Variants in XYLT1 observed in about 807,000 individuals in gnomAD.
XYLT1 encodes xylosyltransferase 1.
A neutral mutation model predicts 91.3 loss-of-function variants in XYLT1; 36 were observed. The observed-to-expected ratio is 0.39, with a 90% confidence interval of 0.30 to 0.52. XYLT1 has a LOEUF of 0.52. XYLT1 is among the 20% of genes least tolerant of loss of function. The probability of loss-of-function intolerance (pLI) is 0.68; values close to 1 mark genes in which losing one functional copy is unlikely to be tolerated. For synonymous variants in XYLT1, 588 were observed against 532.0 expected (o/e 1.11, Z -1.45); for missense variants, 1,242 against 1,284.5 (o/e 0.97, Z 0.51).
intron 3 of XYLT1, among the ~76,000 whole-genome samples, chr16:17,216,144 C>G (rs932988739): frequency 2.6e-5 from 4 of 152,212 alleles, no homozygotes; most frequent in African/African-American, 9.7e-5. Flanking sequence ...CTCCTACGAG[C>G]CTTCCTGTCG....
At chr16:17,293,171 AC>A (rs1335431711) in intron 2 of XYLT1, among the ~76,000 whole-genome samples, 1 of 151,948 alleles carries the variant, frequency 6.6e-6, no homozygotes, top group Non-Finnish European at 1.5e-5. Context: ...TCTGTCGGCT[AC>A]CCCCACTGCT....
chr16:17,202,089 C>A (rs528064761), intron 3 of XYLT1, among the ~76,000 whole-genome samples: 4 of 152,320 alleles, frequency 2.6e-5, no homozygotes, highest in African/African-American at 7.2e-5. Flanking sequence ...GATAAAAACA[C>A]AGCTTCCTAG....
intron 3 of XYLT1, among the ~76,000 whole-genome samples, chr16:17,219,419 A>T (rs1227362746): frequency 6.6e-6 from 1 of 152,176 alleles, no homozygotes; most frequent in Non-Finnish European, 1.5e-5. Flanking sequence ...ATGTGAAATG[A>T]ATGAACGCTA....
At chr16:17,175,973 A>G (rs1274843831) in intron 5 of XYLT1, among the ~76,000 whole-genome samples, 2 of 152,170 alleles carry the variant, frequency 1.3e-5, no homozygotes, top group Non-Finnish European at 2.9e-5. Flanking sequence ...TTAAGTAAAG[A>G]CAAAACCCCT....
chr16:17,336,829 C>T (rs2034986203), intron 2 of XYLT1, among the ~76,000 whole-genome samples: 1 of 152,200 alleles, frequency 6.6e-6, no homozygotes, highest in Non-Finnish European at 1.5e-5. Context: ...GCCAGAAACC[C>T]TGATCGTGTC....
intron 6 of XYLT1, among the ~76,000 whole-genome samples, chr16:17,144,936 T>C (rs540818992): frequency 4.2e-4 from 64 of 152,330 alleles, no homozygotes; most frequent in African/African-American, 1.4e-3. Flanking sequence ...AATTAGTTCA[T>C]TAACAATGTT....
intron 3 of XYLT1, among the ~76,000 whole-genome samples, chr16:17,232,439 A>G (rs1274802415): frequency 1.6e-5 from 2 of 128,456 alleles, no homozygotes; most frequent in Non-Finnish European, 3.3e-5. Flanking sequence ...GTATATATAT[A>G]TATATATATA....
chr16:17,459,792 T>G (rs2036791798), intron 1 of XYLT1, among the ~76,000 whole-genome samples: 1 of 152,182 alleles, frequency 6.6e-6, no homozygotes, highest in African/African-American at 2.4e-5. Flanking sequence ...CTGCTGTGCA[T>G]AAGGCCTGGC....
In XYLT1 at chr16:17,107,615, C is replaced by T. The variant is rs1054988177; in HGVS notation, c.*1080G>A. 1.3e-5 allele frequency: 2 copies of T among 152,690 alleles called. No individual in the cohort carries two copies. Among genetic ancestry groups the T allele is most frequent in the African/African-American group, 4.8e-5 (2 of 41,444 alleles). The allele number at this position is 152,690 out of a possible 1,614,324, so 9.5% of individuals were successfully genotyped here. ...CTGGTTCATGTGGTTTGGTCACTCCCAACAGCACCGGTGTGCAATTGACGA... is the reference window on the plus strand; with the variant it reads ...CTGGTTCATGTGGTTTGGTCACTCCTAACAGCACCGGTGTGCAATTGACGA... On this transcript the variant is annotated 3_prime_UTR_variant, in exon 12 of 12. Coordinates refer to ENST00000261381, the MANE Select transcript of XYLT1 (RefSeq NM_022166.4).
chr16:17,295,066 A>G (rs1012344232), intron 2 of XYLT1, among the ~76,000 whole-genome samples: 1 of 152,194 alleles, frequency 6.6e-6, no homozygotes, highest in African/African-American at 2.4e-5. Flanking sequence ...ATTTCTTAAT[A>G]AGGTGGTCAA....
At chr16:17,410,646 T>A (rs76376420) in intron 1 of XYLT1, among the ~76,000 whole-genome samples, 10 of 92,392 alleles carry the variant, frequency 1.1e-4, no homozygotes, top group African/African-American at 4.0e-4. Context: ...CTGTCATTAC[T>A]TTTTTTTTTT....
chr16:17,299,696 T>C lies in XYLT1; in HGVS notation c.403-40198A>G, dbSNP rs1286116187. Among the ~76,000 whole-genome samples, 5 of 152,130 alleles carry C rather than the reference T, an allele frequency of 3.3e-5. No homozygotes were observed. The East Asian group carries it at 9.7e-4, about 29-fold the overall frequency. On this transcript the variant is annotated intron_variant, in intron 2 of 11. Coordinates refer to ENST00000261381, the MANE Select transcript of XYLT1 (RefSeq NM_022166.4). ...GCTTTTTGTCCCCTGCAGAATTGAA[T>C]GGGGGCCACTCATGCTAGATTTCCC...
intron 10 of XYLT1, among the ~76,000 whole-genome samples, chr16:17,122,793 T>G (rs2030117840): frequency 6.6e-6 from 1 of 152,222 alleles, no homozygotes; most frequent in South Asian, 2.1e-4. Flanking sequence ...GGTTCCATTC[T>G]TCTACACGTG....
chr16:17,346,058 G>T (rs2035140235), intron 2 of XYLT1, among the ~76,000 whole-genome samples: 1 of 152,194 alleles, frequency 6.6e-6, no homozygotes, highest in Admixed American at 6.5e-5. Context: ...TGATCCACCT[G>T]CCTTGGCCTC....
chr16:17,446,744 A>G (rs943051699), intron 1 of XYLT1, among the ~76,000 whole-genome samples: 1 of 152,140 alleles, frequency 6.6e-6, no homozygotes, highest in Non-Finnish European at 1.5e-5. Context: ...TTTGCTCTGA[A>G]CTGGTGAAAG....
chr16:17,413,065 T>A (rs533634268), intron 1 of XYLT1, among the ~76,000 whole-genome samples: 1 of 152,286 alleles, frequency 6.6e-6, no homozygotes, highest in South Asian at 2.1e-4. Flanking sequence ...GGTCAAAAAC[T>A]ATGTCTAATT....
intron 1 of XYLT1, among the ~76,000 whole-genome samples, chr16:17,367,687 G>A (rs1332319633): frequency 1.3e-5 from 2 of 152,182 alleles, no homozygotes; most frequent in Admixed American, 1.3e-4. Context: ...GTTATGCAGC[G>A]AATTCACAAT....
At chr16:17,381,589 G>C (rs7188441) in intron 1 of XYLT1, among the ~76,000 whole-genome samples, 63,679 of 151,568 alleles carry the variant, frequency 0.42, 14,136 homozygotes, top group African/African-American at 0.5. Context: ...ACCATGCCTG[G>C]CTAATTTTTG....
intron 2 of XYLT1, among the ~76,000 whole-genome samples, chr16:17,288,699 G>C (rs1400895994): frequency 1.3e-5 from 2 of 152,122 alleles, no homozygotes; most frequent in African/African-American, 4.8e-5. Flanking sequence ...CTCTCTACTG[G>C]AGGATGAGAG....
Sources: gnomAD v4.1 joint callset for allele counts (sites outside exome capture counted in the v4.1 genomes callset) on GRCh38, gnomAD v4.1.1 for gene constraint, MANE v1.5 for transcripts, NCBI Gene and HGNC (gene_info 2026-07-23, HGNC 2026-07-21) for gene names.